Variants in MSH6 observed in about 807,000 individuals in gnomAD.
MSH6 encodes the protein DNA mismatch repair protein Msh6.
MSH6 carries 85 observed loss-of-function variants against 119.1 expected under a neutral mutation model. The ratio of observed to expected loss-of-function variants is 0.71; its 90% CI spans 0.60 to 0.85. The LOEUF is 0.85. Ranked by LOEUF, MSH6 falls within the 40% of genes least tolerant of loss-of-function variation. The pLI, the probability that MSH6 is intolerant of heterozygous loss-of-function variation, is 0.00. For missense variants in MSH6, 2,163 were observed against 1,655.3 expected, an observed-to-expected ratio of 1.31 and a Z score of -5.32; for synonymous variants, 830 against 586.9, an observed-to-expected ratio of 1.41 and a Z score of -5.99.
At chr2:47,810,029 G>C (rs1670506773), downstream of MSH6, 4 of 489,662 alleles carry the variant, frequency 8.2e-6, no homozygotes, top group Middle Eastern at 5.2e-4. Flanking sequence ...CTGAGGAATT[G>C]AATCTATCTG....
Position 47,796,072 on chromosome 2 carries a change from C to T in MSH6, c.627+9C>T, listed in dbSNP as rs373155872. ...AGGAAGAAGAGATGGAGGTGGGACA[C>T]GGCAAGCATTCAGTTGTTATTTATG... On this transcript the variant is annotated intron_variant, in intron 3 of 9. Coordinates refer to ENST00000234420, the MANE Select transcript of MSH6 (RefSeq NM_000179.3). 2.1e-5 allele frequency: 34 copies of T among 1,613,240 alleles called. No individual in the cohort carries two copies. The highest frequency in any genetic ancestry group is 4.5e-5 in the East Asian group (2 of 44,880).
intron 4 of MSH6, chr2:47,801,360 A>ATTTTTT (rs1220786181): frequency 2.4e-3 from 140 of 58,096 alleles, no homozygotes; most frequent in East Asian, 7.0e-3. Context: ...GCCTTTCTTC[A>ATTTTTT]GTTTTTTTTT....
chr2:47,806,935 C>CTTTAT lies in MSH6; in HGVS notation c.*79_*83dup, dbSNP rs1398708138. 1 of 1,133,820 alleles carries CTTTAT rather than the reference C, an allele frequency of 8.8e-7. No homozygotes were observed. The highest frequency in any genetic ancestry group is 1.3e-6 in the Non-Finnish European group (1 of 760,858). 70.2% of individuals were successfully genotyped at this position (1,133,820 alleles called of 1,614,324 possible). Reference sequence around the variant, plus strand: ...TCAGACAACATTATGATCTAATAAACTTTATTTTTTAAAAATGACCATTTT... The same window carrying CTTTAT: ...TCAGACAACATTATGATCTAATAAACTTTATTTTATTTTTTAAAAATGACCATTTT... On this transcript the variant is annotated 3_prime_UTR_variant, in exon 10 of 10. Transcript: ENST00000234420.
At chr2:47,804,813 G>A in intron 5 of MSH6, 97 bp from the exon 6 acceptor site, 1 of 896,344 alleles carries the variant, frequency 1.1e-6, no homozygotes, top group African/African-American at 1.6e-5. Context: ...AGTTGTTTTA[G>A]AGTGCCTAGC....
At position 47,799,192 on chromosome 2, in the gene MSH6, C is replaced by T. The variant is rs748603803; in HGVS notation, c.1209C>T (p.Leu403=). The part of the protein sequence containing the change: ...ASTLYVPEDF[L]NSCTPGMRKW... The stretch of plus-strand genomic sequence containing the variant: ...CACTCTATGTGCCTGAGGATTTCCT[C>T]AATTCTTGTACTCCTGGGATGAGGA... Residue 403 remains leucine (L), a synonymous_variant, in exon 4 of 10, where the codon CTC becomes CTT. Transcript: ENST00000234420. 4 of 1,614,046 alleles carry T rather than the reference C, an allele frequency of 2.5e-6. No individual in the cohort carries two copies. The highest frequency in any genetic ancestry group is 3.4e-6 in the Non-Finnish European group (4 of 1,180,026).
Position 47,800,486 on chromosome 2 carries a change from C to T in MSH6, c.2503C>T (p.Gln835Ter), listed in dbSNP as rs63751321. ...TAATGTTGGGTCTCCCCTGAAGAGTCAGAACCACCCAGACAGCAGGGCTAT... is the reference window on the plus strand; with the variant it reads ...TAATGTTGGGTCTCCCCTGAAGAGTTAGAACCACCCAGACAGCAGGGCTAT... ...IHNVGSPLKS[Q>*]NHPDSRAIMY... Residue 835 changes from glutamine to a stop codon, truncating the protein, a stop_gained, in exon 4 of 10, where the codon CAG becomes TAG. Coordinates refer to ENST00000234420, the MANE Select transcript of MSH6 (RefSeq NM_000179.3). LOFTEE classifies it high-confidence loss of function. 1 of 1,613,006 alleles carries T rather than the reference C, an allele frequency of 6.2e-7. No individual in the cohort carries two copies. Among genetic ancestry groups the T allele is most frequent in the Non-Finnish European group, 8.5e-7 (1 of 1,179,756 alleles).
rs1309829386 is a variant in MSH6, at chr2:47,795,060, T to A, written c.458-834T>A. Among the ~76,000 whole-genome samples, 3 of 152,306 alleles carry A rather than the reference T, an allele frequency of 2.0e-5. No homozygotes were observed. The East Asian group carries it at 5.8e-4, about 29-fold the overall frequency. ...TGCCTGCTTCTGCCTCCCAGAGTGC[T>A]GGGATTACAGGTGCGAGCCATTGTG... On this transcript the variant is annotated intron_variant, in intron 2 of 9. Coordinates refer to ENST00000234420, the MANE Select transcript of MSH6 (RefSeq NM_000179.3).
At chr2:47,791,182 A>C (rs1668711228) in intron 2 of MSH6, 59 bp downstream of exon 2, 17 of 1,475,698 alleles carry the variant, frequency 1.2e-5, no homozygotes, top group Non-Finnish European at 1.5e-5. Flanking sequence ...GTGTGAGAGA[A>C]ACAGACAGAC....
chr2:47,809,772 A>G (rs151143738), downstream of MSH6: 253 of 1,048,298 alleles, frequency 2.4e-4, 1 homozygote, highest in Middle Eastern at 2.0e-3. Flanking sequence ...ACCTGAAATT[A>G]GCAAGCAAAT....
At position 47,799,096 on chromosome 2, in the gene MSH6, A is replaced by G. The variant is rs786203202; in HGVS notation, c.1113A>G (p.Glu371=). Residue 371 remains glutamate, a synonymous_variant, in exon 4 of 10, where the codon GAA becomes GAG. Coordinates refer to ENST00000234420, the MANE Select transcript of MSH6 (RefSeq NM_000179.3). ...RPTVWYHETL[E]WLKEEKRRDE... is the part of the protein sequence containing the mutation. Reference sequence around the variant, plus strand: ...CTGTTTGGTATCATGAAACTTTAGAATGGCTTAAGGAGGAAAAGAGAAGAG... The same window carrying G: ...CTGTTTGGTATCATGAAACTTTAGAGTGGCTTAAGGAGGAAAAGAGAAGAG... 1.2e-6 allele frequency: 2 copies of G among 1,614,154 alleles called. No individual in the cohort carries two copies. Among genetic ancestry groups the G allele is most frequent in the Non-Finnish European group, 1.7e-6 (2 of 1,180,022 alleles).
chr2:47,788,922 G>GTTTTTTTTGTTTTTGTTTTTGTTT (rs1668541391), intron 1 of MSH6, among the ~76,000 whole-genome samples: 5 of 40,954 alleles, frequency 1.2e-4, no homozygotes, highest in African/African-American at 5.0e-4. Flanking sequence ...TTTTTTTTTT[G>GTTTTTTTTGTTTTTGTTTTTGTTT]TTTTTTTTTT....
Position 47,800,582 on chromosome 2 carries a change from G to A in MSH6, c.2599G>A (p.Val867Ile), listed in dbSNP as rs745954217. The A allele has an allele frequency of 1.9e-6, 3 of 1,614,096 alleles. No homozygotes were observed. The highest frequency in any genetic ancestry group is 2.5e-6 in the Non-Finnish European group (3 of 1,179,998). ...DFLSALEGFK[V>I]MCKIIGIMEE... The stretch of plus-strand genomic sequence containing the variant: ...TCTTTCTGCTCTGGAAGGATTCAAA[G>A]TAATGTGTAAAATTATAGGGATCAT... The change falls in exon 4 of 10, where the codon GTA becomes ATA. Residue 867 changes from valine (V) to isoleucine (I), a missense_variant. Transcript: ENST00000234420.
chr2:47,806,430 G>A lies in MSH6; in HGVS notation c.3802-22G>A, dbSNP rs373409282. 1.8e-4 allele frequency: 297 copies of A among 1,613,762 alleles called. No homozygotes were observed. The African/African-American group carries it at 3.1e-3, about 17-fold the overall frequency. ...CACTTCTCTTGCTAGCACATGTATC[G>A]CTAATATTTTTCTTTCTTAAGGCAT... On this transcript the variant is annotated intron_variant, in intron 8 of 9. Transcript: ENST00000234420.
In MSH6 at chr2:47,799,033, C is replaced by T. The variant is rs730881802; in HGVS notation, c.1050C>T (p.Ala350=). 5.4e-5 allele frequency: 87 copies of T among 1,614,140 alleles called. No individual in the cohort carries two copies. Among genetic ancestry groups the T allele is most frequent in the Middle Eastern group, 1.6e-4 (1 of 6,062 alleles). ...CCCCTCAAAATTCTGAATCCCAAGC[C>T]CACGTTAGTGGAGGTGGTGATGACA... ...FSAPQNSESQ[A]HVSGGGDDSS... The change falls in exon 4 of 10, where the codon GCC becomes GCT. Residue 350 remains alanine (A), a synonymous_variant. Transcript: ENST00000234420.
At chr2:47,788,754 T>C (rs1315875120) in intron 1 of MSH6, among the ~76,000 whole-genome samples, 1 of 150,496 alleles carries the variant, frequency 6.6e-6, no homozygotes, top group Non-Finnish European at 1.5e-5. Flanking sequence ...ATTTTTTTAG[T>C]AGAGATGGGG....
intron 1 of MSH6, 82 bp downstream of exon 1, chr2:47,783,575 G>A: frequency 1.5e-6 from 2 of 1,337,916 alleles, no homozygotes; most frequent in Non-Finnish European, 1.9e-6. Context: ...TCGCACAGGG[G>A]GTTGGGGGGG....
chr2:47,803,546 C>T lies in MSH6; in HGVS notation c.3299C>T (p.Thr1100Met), dbSNP rs63750442. ...ELKGSRHPCI[T>M]KTFFGDDFIP... ...AAAGGATCACGCCATCCTTGCATTA[C>T]GAAGACTTTTTTTGGAGATGATTTT... is the stretch of plus-strand genomic sequence containing the variant. Residue 1100 changes from threonine (T) to methionine (M), a missense_variant, in exon 5 of 10, where the codon ACG becomes ATG. Transcript: ENST00000234420. The T allele has an allele frequency of 3.4e-5, 55 of 1,613,980 alleles. No individual in the cohort carries two copies. The highest frequency in any genetic ancestry group is 1.6e-4 in the Middle Eastern group (1 of 6,084).
At chr2:47,791,279 G>A (rs1219118192) in intron 2 of MSH6, among the ~76,000 whole-genome samples, 156 bp downstream of exon 2, 1 of 152,132 alleles carries the variant, frequency 6.6e-6, no homozygotes, top group Non-Finnish European at 1.5e-5. Flanking sequence ...CTTCTGGCAT[G>A]GGAAAGGGAT....
At chr2:47,808,153 G>A (rs780755413), downstream of MSH6, 1 of 1,613,100 alleles carries the variant, frequency 6.2e-7, no homozygotes, top group Non-Finnish European at 8.5e-7. Flanking sequence ...TCTATAGGTG[G>A]AGCAGAGTCA....
Sources: allele counts gnomAD v4.1 joint callset (sites outside exome capture counted in the v4.1 genomes callset), GRCh38; gene constraint gnomAD v4.1.1; transcripts MANE v1.5; gene names NCBI Gene and HGNC (gene_info 2026-07-23, HGNC 2026-07-21).